The following AUTS2 variants were observed in gnomAD, a reference collection of about 807,000 sequenced individuals.
AUTS2 encodes autism susceptibility gene 2 protein.
A neutral mutation model predicts 112.4 loss-of-function variants in AUTS2; 17 were observed. The ratio of observed to expected loss-of-function variants is 0.15; its 90% CI spans 0.10 to 0.23. The LOEUF (loss-of-function observed/expected upper bound fraction) is 0.23, where lower values mean the gene tolerates loss of function less well. Ranked by LOEUF, AUTS2 falls within the 10% of genes least tolerant of loss-of-function variation. The probability of loss-of-function intolerance (pLI) is 1.00; values close to 1 mark genes in which losing one functional copy is unlikely to be tolerated. For missense variants in AUTS2, 1,510 were observed against 1,701.6 expected (o/e 0.89, Z 1.98); for synonymous variants, 751 against 702.7 (o/e 1.07, Z -1.09).
At chr7:69,858,331 G>A (rs976924012) in intron 1 of AUTS2, among the ~76,000 whole-genome samples, 6 of 152,206 alleles carry the variant, frequency 3.9e-5, no homozygotes, top group African/African-American at 1.4e-4. Flanking sequence ...CAGTATGAGG[G>A]TGGAGCTTAG....
intron 4 of AUTS2, among the ~76,000 whole-genome samples, chr7:70,373,702 CT>C (rs991434423): frequency 6.6e-6 from 1 of 152,090 alleles, no homozygotes; most frequent in African/African-American, 2.4e-5. Context: ...CTAAAATATA[CT>C]TTTTTTCTCA....
intron 4 of AUTS2, among the ~76,000 whole-genome samples, chr7:70,330,867 A>G (rs1045526330): frequency 2.6e-5 from 4 of 152,092 alleles, no homozygotes; most frequent in African/African-American, 9.7e-5. Flanking sequence ...TGTTTCCTAG[A>G]TATTTCATTC....
chr7:70,601,904 C>G (rs1428618281), intron 5 of AUTS2, among the ~76,000 whole-genome samples: 1 of 152,122 alleles, frequency 6.6e-6, no homozygotes, highest in Non-Finnish European at 1.5e-5. Flanking sequence ...TTATAATACT[C>G]TAAACAAGTG....
chr7:69,716,295 T>C (rs1798608668), intron 1 of AUTS2, among the ~76,000 whole-genome samples: 2 of 151,904 alleles, frequency 1.3e-5, no homozygotes, highest in Admixed American at 1.3e-4. Context: ...CCCATCTCTG[T>C]CACAATCACA....
chr7:70,009,405 G>C (rs181382490), intron 2 of AUTS2, among the ~76,000 whole-genome samples: 77 of 152,254 alleles, frequency 5.1e-4, no homozygotes, highest in African/African-American at 1.7e-3. Context: ...TTTGTTTAAC[G>C]TTGGTATCGA....
intron 1 of AUTS2, among the ~76,000 whole-genome samples, chr7:69,701,583 G>A (rs755337228): frequency 2.0e-5 from 3 of 152,200 alleles, no homozygotes; most frequent in Non-Finnish European, 2.9e-5. Context: ...GGGGTGACGA[G>A]GACATGCATT....
At chr7:69,737,235 A>G (rs539935980) in intron 1 of AUTS2, among the ~76,000 whole-genome samples, 2 of 152,164 alleles carry the variant, frequency 1.3e-5, no homozygotes, top group African/African-American at 4.8e-5. Context: ...TTTTTGAGTA[A>G]TATCAACCAT....
At chr7:70,168,454 C>T (rs1224921594) in intron 4 of AUTS2, among the ~76,000 whole-genome samples, 1 of 152,122 alleles carries the variant, frequency 6.6e-6, no homozygotes, top group East Asian at 1.9e-4. Context: ...GTAGCTGGGA[C>T]TACAGGCGCT....
intron 5 of AUTS2, among the ~76,000 whole-genome samples, chr7:70,551,572 A>G (rs1801016450): frequency 6.6e-6 from 1 of 152,194 alleles, no homozygotes. Context: ...GTCACCAAAA[A>G]CAAGGAAATT....
intron 1 of AUTS2, among the ~76,000 whole-genome samples, chr7:69,799,154 C>A (rs1789974339): frequency 6.6e-6 from 1 of 151,936 alleles, no homozygotes; most frequent in Non-Finnish European, 1.5e-5. Context: ...GACCACTGAT[C>A]CAGAAAGTGG....
intron 5 of AUTS2, among the ~76,000 whole-genome samples, chr7:70,489,048 ATG>A (rs1798135518): frequency 1.3e-5 from 2 of 152,356 alleles, no homozygotes; most frequent in South Asian, 4.1e-4. Flanking sequence ...TTGATTGATT[ATG>A]TGAGTGATTG....
intron 4 of AUTS2, among the ~76,000 whole-genome samples, chr7:70,185,846 C>T (rs1171653546): frequency 1.3e-5 from 2 of 152,150 alleles, no homozygotes; most frequent in Non-Finnish European, 2.9e-5. Context: ...GTGGGGCCTA[C>T]GTGCCCTGCC....
intron 1 of AUTS2, among the ~76,000 whole-genome samples, chr7:69,729,454 A>G (rs1419269332): frequency 9.2e-6 from 1 of 108,948 alleles, no homozygotes; most frequent in Non-Finnish European, 1.7e-5. Flanking sequence ...TATTTCTACG[A>G]TTTATATGTC....
At chr7:70,301,294 T>C (rs552613939) in intron 4 of AUTS2, among the ~76,000 whole-genome samples, 1 of 152,170 alleles carries the variant, frequency 6.6e-6, no homozygotes, top group Non-Finnish European at 1.5e-5. Context: ...TTAAGGACTG[T>C]TGTTGGTGAT....
At chr7:69,634,224 A>G (rs28627125) in intron 1 of AUTS2, among the ~76,000 whole-genome samples, 20 of 150,440 alleles carry the variant, frequency 1.3e-4, no homozygotes, top group African/African-American at 4.4e-4. Flanking sequence ...GGTTCACGCC[A>G]TTCTCCTGCC....
chr7:70,746,433 A>G (rs1157416141), intron 6 of AUTS2, among the ~76,000 whole-genome samples: 1 of 152,188 alleles, frequency 6.6e-6, no homozygotes. Flanking sequence ...GGAGTGAGCC[A>G]CCACACCTGG....
intron 1 of AUTS2, among the ~76,000 whole-genome samples, chr7:69,603,470 G>A (rs1367154198): frequency 6.6e-6 from 1 of 152,158 alleles, no homozygotes; most frequent in Non-Finnish European, 1.5e-5. Flanking sequence ...GCTGTTGTTG[G>A]ATTCTTTTTT....
intron 1 of AUTS2, among the ~76,000 whole-genome samples, chr7:69,767,732 A>G (rs1788489988): frequency 1.3e-5 from 2 of 152,220 alleles, no homozygotes; most frequent in South Asian, 4.1e-4. Flanking sequence ...TCCAGCAGGT[A>G]CATCCTCTCC....
At chr7:69,960,735 G>A (rs917303127) in intron 2 of AUTS2, among the ~76,000 whole-genome samples, 7 of 152,050 alleles carry the variant, frequency 4.6e-5, no homozygotes, top group Middle Eastern at 3.2e-3. Context: ...TGCTTTTCTA[G>A]GTGTTTTATG....
Sources: allele counts gnomAD v4.1 joint callset (sites outside exome capture counted in the v4.1 genomes callset), GRCh38; gene constraint gnomAD v4.1.1; transcripts MANE v1.5; gene names NCBI Gene and HGNC (gene_info 2026-07-23, HGNC 2026-07-21).